The following SYN2 variants were observed in gnomAD, a reference collection of about 807,000 sequenced individuals.
SYN2 encodes the protein synapsin II.
SYN2 carries 19 observed loss-of-function variants against 50.9 expected under a neutral mutation model. That is an observed-to-expected ratio of 0.37 (90% CI 0.26 to 0.55). The LOEUF is 0.55. SYN2 is among the 20% of genes least tolerant of loss of function. The pLI is 0.81. For missense variants in SYN2, 587 were observed against 576.4 expected, an observed-to-expected ratio of 1.02 and a Z score of -0.19; for synonymous variants, 255 against 224.9, an observed-to-expected ratio of 1.13 and a Z score of -1.20.
At chr3:12,073,305 G>A (rs958680181) in intron 1 of SYN2, among the ~76,000 whole-genome samples, 1 of 152,158 alleles carries the variant, frequency 6.6e-6, no homozygotes, top group African/African-American at 2.4e-5. Flanking sequence ...GTCACCCAGC[G>A]AGGTATAATA....
At chr3:12,182,198 A>G (rs1698237029) in intron 10 of SYN2, among the ~76,000 whole-genome samples, 1 of 152,202 alleles carries the variant, frequency 6.6e-6, no homozygotes, top group Non-Finnish European at 1.5e-5. Context: ...TCCAAGGGAA[A>G]TGGGGAGCAG....
intron 1 of SYN2, among the ~76,000 whole-genome samples, chr3:12,058,601 T>A (rs910628060): frequency 1.3e-5 from 2 of 152,132 alleles, no homozygotes; most frequent in Non-Finnish European, 2.9e-5. Flanking sequence ...GTGGACCCAG[T>A]GAATAAATCA....
At chr3:12,142,674 A>T (rs1418683093) in intron 3 of SYN2, among the ~76,000 whole-genome samples, 1 of 152,204 alleles carries the variant, frequency 6.6e-6, no homozygotes, top group African/African-American at 2.4e-5. Context: ...AGAATTCCAG[A>T]CTGGAAAGTG....
At chr3:12,125,753 C>T (rs1696654656) in intron 1 of SYN2, among the ~76,000 whole-genome samples, 1 of 150,850 alleles carries the variant, frequency 6.6e-6, no homozygotes, top group African/African-American at 2.4e-5. Context: ...AGAAGCAGAC[C>T]AGTTTTATGT....
intron 12 of SYN2, among the ~76,000 whole-genome samples, chr3:12,189,205 G>A (rs545779183): frequency 2.0e-5 from 3 of 152,296 alleles, no homozygotes; most frequent in South Asian, 4.2e-4. Flanking sequence ...CAGCAGGAGT[G>A]AGTAGGAGTC....
At chr3:12,023,180 A>T (rs1694181771) in intron 1 of SYN2, among the ~76,000 whole-genome samples, 1 of 152,010 alleles carries the variant, frequency 6.6e-6, no homozygotes, top group African/African-American at 2.4e-5. Flanking sequence ...AGTGCTCTGT[A>T]AATTCAAAAG....
At chr3:12,130,147 T>TGC (rs1394086546) in intron 1 of SYN2, among the ~76,000 whole-genome samples, 2 of 151,760 alleles carry the variant, frequency 1.3e-5, no homozygotes, top group African/African-American at 2.4e-5. Flanking sequence ...TGTGTGTGTG[T>TGC]GTACATATAT....
intron 5 of SYN2, among the ~76,000 whole-genome samples, chr3:12,155,582 T>C (rs901786331): frequency 3.9e-5 from 6 of 152,152 alleles, no homozygotes; most frequent in African/African-American, 7.2e-5. Flanking sequence ...GGAACTGATA[T>C]TGACAAAGCT....
At chr3:12,154,743 C>T (rs1378886200) in intron 5 of SYN2, among the ~76,000 whole-genome samples, 4 of 152,096 alleles carry the variant, frequency 2.6e-5, no homozygotes, top group African/African-American at 9.7e-5. Context: ...GTGTGGGATC[C>T]CCCTTTCTTT....
intron 1 of SYN2, among the ~76,000 whole-genome samples, chr3:12,043,002 CT>C (rs895295731): frequency 1.3e-3 from 202 of 151,550 alleles, no homozygotes; most frequent in African/African-American, 4.5e-3. Context: ...CCCCCCACAC[CT>C]TTTTTTTCCT....
intron 1 of SYN2, among the ~76,000 whole-genome samples, chr3:12,108,396 A>G (rs1696244017): frequency 2.0e-5 from 3 of 152,186 alleles, no homozygotes; most frequent in Admixed American, 2.0e-4. Context: ...TTTTCTCACT[A>G]TAATACGGTT....
chr3:12,062,152 T>C (rs1355949633), intron 1 of SYN2, among the ~76,000 whole-genome samples: 1 of 152,012 alleles, frequency 6.6e-6, no homozygotes, highest in Non-Finnish European at 1.5e-5. Context: ...TGCAGTATGA[T>C]GATGATGATG....
intron 1 of SYN2, among the ~76,000 whole-genome samples, chr3:12,008,902 G>C (rs946334151): frequency 3.3e-5 from 5 of 152,186 alleles, no homozygotes; most frequent in African/African-American, 7.2e-5. Context: ...GGACAACGAA[G>C]AGACTAGATT....
At chr3:12,184,391 C>G in intron 11 of SYN2, 1 of 985,870 alleles carries the variant, frequency 1.0e-6, no homozygotes, top group Non-Finnish European at 1.2e-6. Context: ...AGAGATAATT[C>G]CTTGGCAATG....
intron 1 of SYN2, among the ~76,000 whole-genome samples, chr3:12,130,769 CAG>C (rs1350506518): frequency 6.6e-6 from 1 of 152,156 alleles, no homozygotes; most frequent in Non-Finnish European, 1.5e-5. Context: ...TATGCACTAT[CAG>C]GGGGCTTCTG....
rs138181361 is a variant in SYN2 at position 12,013,853 on chromosome 3, G to C, written c.377+8925G>C. Among the ~76,000 whole-genome samples the C allele has an allele frequency of 1.6e-4, 25 of 152,160 alleles. No individual in the cohort carries two copies. The East Asian group carries it at 4.8e-3, about 29-fold the overall frequency. On this transcript the variant is annotated intron_variant, in intron 1 of 12. Coordinates refer to ENST00000621198, the MANE Select transcript of SYN2 (RefSeq NM_133625.6). ...TCCTGCCGTCTCTAATTATTTCCATGTCCAGACTTCCTTTTCCAGCAATAC... is the reference window on the plus strand; with the variant it reads ...TCCTGCCGTCTCTAATTATTTCCATCTCCAGACTTCCTTTTCCAGCAATAC...
chr3:12,114,660 T>C (rs1056015444), intron 1 of SYN2, among the ~76,000 whole-genome samples: 9 of 152,200 alleles, frequency 5.9e-5, no homozygotes, highest in Non-Finnish European at 1.2e-4. Flanking sequence ...GTAAAATCCC[T>C]TCAACTCTCA....
chr3:12,164,912 A>G (rs1697742954), intron 7 of SYN2, among the ~76,000 whole-genome samples: 1 of 152,014 alleles, frequency 6.6e-6, no homozygotes, highest in African/African-American at 2.4e-5. Flanking sequence ...AAAAAGTCAT[A>G]GAGGTCATAG....
Position 12,035,994 on chromosome 3 carries a change from A to G in SYN2, c.377+31066A>G, listed in dbSNP as rs776924276. ...ATTTTATGGCTCTAACTTCCTTGCT[A>G]TTGTTTTAAGCTATTACTGCCTTCT... On this transcript the variant is annotated intron_variant, in intron 1 of 12. Coordinates refer to ENST00000621198, the MANE Select transcript of SYN2 (RefSeq NM_133625.6). 2.2e-4 allele frequency among the ~76,000 whole-genome samples: 33 copies of G among 152,284 alleles called. 1 individual carries two copies. The highest frequency in any genetic ancestry group is 1.9e-3 in the South Asian group (9 of 4,830).
Sources: allele counts gnomAD v4.1 joint callset (sites outside exome capture counted in the v4.1 genomes callset), GRCh38; gene constraint gnomAD v4.1.1; transcripts MANE v1.5; gene names NCBI Gene and HGNC (gene_info 2026-07-23, HGNC 2026-07-21).